Variants in NOC2L observed in about 807,000 individuals in gnomAD.
The protein encoded by NOC2L is nucleolar complex protein 2 homolog.
In NOC2L, 101 loss-of-function variants were observed where a neutral mutation model predicts 94.2. That is an observed-to-expected ratio of 1.07 (90% confidence interval 0.91 to 1.26). NOC2L has a LOEUF of 1.26. NOC2L is among the 50% of genes most tolerant of loss of function. The pLI is 0.00. For synonymous variants in NOC2L, 531 were observed against 413.4 expected, an observed-to-expected ratio of 1.28 and a Z score of -3.45; for missense variants, 1,076 against 980.1, an observed-to-expected ratio of 1.10 and a Z score of -1.31.
At chr1:950,848 C>T (rs1481018579) in intron 12 of NOC2L, among the ~76,000 whole-genome samples, 6 of 152,170 alleles carry the variant, frequency 3.9e-5, no homozygotes, top group East Asian at 1.9e-4. Context: ...TGGCCCATCT[C>T]GCCTCCTGCC....
In NOC2L at chr1:950,172, A is replaced by G. The variant is rs1385881237; in HGVS notation, c.1443+955T>C. On this transcript the variant is annotated intron_variant, in intron 12 of 18. Coordinates refer to ENST00000327044, the MANE Select transcript of NOC2L (RefSeq NM_015658.4). The stretch of plus-strand genomic sequence containing the variant: ...CACACGCACAGGCACACACAAGCAG[A>G]CGTGCATGCATGCACCCAAGTGTAC... Among the ~76,000 whole-genome samples the G allele has an allele frequency of 3.9e-5, 6 of 152,202 alleles. No homozygotes were observed. The East Asian group carries it at 1.2e-3, about 29-fold the overall frequency.
In NOC2L at chr1:959,199, C is replaced by G. The variant is rs1475560570; in HGVS notation, c.26+16G>C. On this transcript the variant is annotated intron_variant, in intron 1 of 18. Coordinates refer to ENST00000327044, the MANE Select transcript of NOC2L (RefSeq NM_015658.4). ...CCCACCGGGAGGCCAAATCGGCCCT[C>G]GGACCCGCGGCTTACCTCTTGCGGC... 1.2e-6 allele frequency: 2 copies of G among 1,610,452 alleles called. No individual in the cohort carries two copies. The highest frequency in any genetic ancestry group is 1.7e-6 in the Non-Finnish European group (2 of 1,179,068).
chr1:953,419 G>T, intron 8 of NOC2L, 131 bp from the exon 9 acceptor site: 1 of 638,328 alleles, frequency 1.6e-6, no homozygotes. Context: ...CCTCGGGGGA[G>T]CCGTGAGTTA....
At position 951,150 on chromosome 1, in the gene NOC2L, G is replaced by A; in HGVS notation, c.1420C>T (p.Pro474Ser). The A allele has an allele frequency of 1.3e-6, 2 of 1,589,432 alleles. No homozygotes were observed. Among genetic ancestry groups the A allele is most frequent in the Non-Finnish European group, 1.7e-6 (2 of 1,167,918 alleles). Residue 474 changes from proline to serine, a missense_variant, in exon 12 of 19, where the codon CCG becomes TCG. Pro to Ser is a moderately conservative substitution (Grantham distance 74). Transcript: ENST00000327044. ...LLSGSSGAFI[P>S]VLPFILEMFQ... ...ACCTCCAGGATGAAAGGCAGCACCG[G>A]GATGAAGGCCCCCGAGCTCCCCGAG...
At position 955,985 on chromosome 1, in the gene NOC2L, G is replaced by C. The variant is rs763791889; in HGVS notation, c.636C>G (p.Ile212Met). 6.2e-7 allele frequency: 1 copy of C among 1,613,826 alleles called. No individual in the cohort carries two copies. Among genetic ancestry groups the C allele is most frequent in the Non-Finnish European group, 8.5e-7 (1 of 1,179,998 alleles). ...AAFNALVTFC[I>M]RDLIGCLQKL... ...TCTGGAGACAGCCAATGAGGTCTCT[G>C]ATGCAGAAGGTAACCAGAGCATTGA... Residue 212 changes from isoleucine to methionine, a missense_variant, in exon 6 of 19, where the codon ATC becomes ATG. Transcript: ENST00000327044.
intron 11 of NOC2L, among the ~76,000 whole-genome samples, chr1:951,719 T>C (rs1642264915): frequency 6.6e-6 from 1 of 152,218 alleles, no homozygotes; most frequent in Admixed American, 6.5e-5. Flanking sequence ...CCAAACTCAC[T>C]GCAAACTGCA....
intron 13 of NOC2L, 37 bp downstream of exon 13, chr1:948,453 G>C (rs1238392728): frequency 6.6e-7 from 1 of 1,508,874 alleles, no homozygotes; most frequent in African/African-American, 1.4e-5. Flanking sequence ...CCCACCCTGG[G>C]AACTGCCCAG....
intron 13 of NOC2L, 60 bp from the exon 14 acceptor site, chr1:948,292 C>A: frequency 7.2e-7 from 1 of 1,389,388 alleles, no homozygotes; most frequent in Non-Finnish European, 1.0e-6. Flanking sequence ...GGCACTCAGG[C>A]CCCTTCCCCT....
At position 946,560 on chromosome 1, in the gene NOC2L, G is replaced by C. The variant is rs371122211; in HGVS notation, c.1660-15C>G. 3 of 1,609,092 alleles carry C rather than the reference G, an allele frequency of 1.9e-6. No homozygotes were observed. The highest frequency in any genetic ancestry group is 1.3e-5 in the African/African-American group (1 of 74,878). On this transcript the variant is annotated splice_polypyrimidine_tract_variant and intron_variant, in intron 14 of 18. Coordinates refer to ENST00000327044, the MANE Select transcript of NOC2L (RefSeq NM_015658.4). Reference sequence around the variant, plus strand: ...AACGACTTCAGCTGCGGAAGGGAGGGGTCAGCCACTGAAGCCCAGGACCGC... The same window carrying C: ...AACGACTTCAGCTGCGGAAGGGAGGCGTCAGCCACTGAAGCCCAGGACCGC...
At chr1:947,997 C>T (rs898309227) in intron 14 of NOC2L, 134 bp downstream of exon 14, 32 of 692,268 alleles carry the variant, frequency 4.6e-5, no homozygotes, top group Admixed American at 4.5e-4. Context: ...CCTCACGGGG[C>T]GCGTTGCCAG....
At position 956,022 on chromosome 1, in the gene NOC2L, A is replaced by G. The variant is rs1323720208; in HGVS notation, c.608-9T>C. On this transcript the variant is annotated splice_polypyrimidine_tract_variant and intron_variant, in intron 5 of 18. Transcript: ENST00000327044. ...AACCAGAGCATTGAATGCTGCAACG[A>G]AAAGGCCTGGATGTACTCACGGGAC... 6.2e-7 allele frequency: 1 copy of G among 1,614,018 alleles called. No homozygotes were observed. Among genetic ancestry groups the G allele is most frequent in the Non-Finnish European group, 8.5e-7 (1 of 1,179,956 alleles).
At chr1:947,435 G>T (rs1642143922) in intron 14 of NOC2L, among the ~76,000 whole-genome samples, 2 of 152,216 alleles carry the variant, frequency 1.3e-5, no homozygotes, top group Non-Finnish European at 2.9e-5. Flanking sequence ...TGTGGCTCAT[G>T]TGAGCAGATC....
intron 9 of NOC2L, 91 bp from the exon 10 acceptor site, chr1:952,691 C>T (rs1283772203): frequency 1.5e-6 from 2 of 1,304,008 alleles, no homozygotes; most frequent in African/African-American, 2.9e-5. Flanking sequence ...CTGGGCCTTT[C>T]CCTCAGAGCT....
intron 7 of NOC2L, 26 bp downstream of exon 7, chr1:953,978 C>T (rs1396338579): frequency 1.2e-6 from 2 of 1,603,102 alleles, no homozygotes; most frequent in Admixed American, 3.4e-5. Flanking sequence ...AGCCAGGCCC[C>T]CGTGCCCTCC....
At chr1:954,190 G>A (rs748473471) in intron 6 of NOC2L, 108 bp from the exon 7 acceptor site, 3 of 1,003,082 alleles carry the variant, frequency 3.0e-6, no homozygotes, top group South Asian at 1.6e-5. Context: ...CGACTCTGCA[G>A]AGACCCCCCG....
chr1:953,716 T>C, intron 8 of NOC2L, 66 bp downstream of exon 8: 1 of 1,192,002 alleles, frequency 8.4e-7, no homozygotes, highest in Non-Finnish European at 1.2e-6. Context: ...GAGTGGGATG[T>C]GGTGGGGGTA....
At position 951,115 on chromosome 1, in the gene NOC2L, A is replaced by G. The variant is rs1202709616; in HGVS notation, c.1443+12T>C. ...GGCAGAGGTGCCACACGCCCACCAC[A>G]GCCTCACTCACCTCCAGGATGAAAG... On this transcript the variant is annotated intron_variant, in intron 12 of 18. Transcript: ENST00000327044. The G allele has an allele frequency of 3.2e-6, 5 of 1,554,706 alleles. No homozygotes were observed. Among genetic ancestry groups the G allele is most frequent in the Non-Finnish European group, 3.5e-6 (4 of 1,145,018 alleles).
In NOC2L at chr1:946,441, G is replaced by A. The variant is rs776070872; in HGVS notation, c.1764C>T (p.Arg588=). 6 of 1,613,324 alleles carry A rather than the reference G, an allele frequency of 3.7e-6. No individual in the cohort carries two copies. In the East Asian group the frequency reaches 8.9e-5, roughly 24 times the overall value. The change falls in exon 15 of 19, where the codon CGC becomes CGT. Residue 588 remains arginine, a synonymous_variant. Transcript: ENST00000327044. ...QENSAYICSR[R]QRVSFGVSEQ... ...CAGAGACGCCGAAGGAAACCCTCTG[G>A]CGGCGGCTGCAGATGTATGCCGAGT...
At chr1:944,829 T>A (rs976147708) in intron 18 of NOC2L, 29 bp from the exon 19 acceptor site, 5 of 1,475,420 alleles carry the variant, frequency 3.4e-6, no homozygotes, top group Non-Finnish European at 4.6e-6. Context: ...GCTACATAAA[T>A]TTTGCTTTAT....
Sources: allele counts gnomAD v4.1 joint callset (sites outside exome capture counted in the v4.1 genomes callset), GRCh38; gene constraint gnomAD v4.1.1; transcripts MANE v1.5; gene names NCBI Gene and HGNC (gene_info 2026-07-23, HGNC 2026-07-21).